TRPM2: variants seen among roughly 807,000 people sequenced by gnomAD.
The protein encoded by TRPM2 is estrogen-responsive element-associated gene 1 protein.
In TRPM2, 161 loss-of-function variants were observed where a neutral mutation model predicts 174.0. The ratio of observed to expected loss-of-function variants is 0.93; its 90% confidence interval spans 0.81 to 1.05. TRPM2 has a LOEUF of 1.05. Among genes scored for constraint, TRPM2 ranks in the 50% least tolerant of loss-of-function variants. The pLI is 0.00. For synonymous variants in TRPM2, 954 were observed against 861.3 expected (o/e 1.11, Z -1.88); for missense variants, 2,057 against 2,038.0 (o/e 1.01, Z -0.18).
chr21:44,437,070 G>A lies in TRPM2; in HGVS notation c.4070G>A (p.Arg1357Gln), dbSNP rs200766099. 5.9e-5 allele frequency: 92 copies of A among 1,550,594 alleles called. No homozygotes were observed. The highest frequency in any genetic ancestry group is 1.8e-4 in the Admixed American group (9 of 50,998). The stretch of plus-strand genomic sequence containing the variant: ...GGCCGCTCTCTCCGCAGGTGGAGGC[G>A]GAACGAGGATGGAGCCATCTGCAGG... ...TLYPMVTRWRRNEDGAICRKS... is the reference protein window; with the variant it reads ...TLYPMVTRWRQNEDGAICRKS... The change falls in exon 29 of 32, where the codon CGG becomes CAG. Residue 1357 changes from arginine (R) to glutamine (Q), a missense_variant. Transcript: ENST00000397928.
intron 16 of TRPM2, among the ~76,000 whole-genome samples, chr21:44,403,834 T>A (rs1480198097): frequency 6.6e-6 from 1 of 151,294 alleles, no homozygotes; most frequent in South Asian, 2.1e-4. Context: ...CACACATGCA[T>A]ACACACATTA....
At position 44,376,963 on chromosome 21, in the gene TRPM2, A is replaced by T. The variant is rs1410824110; in HGVS notation, c.953-749A>T. Among the ~76,000 whole-genome samples, 1 of 147,474 alleles carries T rather than the reference A, an allele frequency of 6.8e-6. No homozygotes were observed. The highest frequency in any genetic ancestry group is 1.5e-5 in the Non-Finnish European group (1 of 67,252). On this transcript the variant is annotated intron_variant, in intron 6 of 31. Transcript: ENST00000397928. This position sits in a 1 kb window ranked among gnomAD's most constrained non-coding sequence, Gnocchi z 4.2. Reference sequence around the variant, plus strand: ...TTGAGAACCCTGCTTGACTAGTAGGAGCACGTTCCCTGGTGAGGACGATGC... The same window carrying T: ...TTGAGAACCCTGCTTGACTAGTAGGTGCACGTTCCCTGGTGAGGACGATGC...
intron 22 of TRPM2, 23 bp from the exon 23 acceptor site, chr21:44,423,622 A>C (rs2050630840): frequency 6.2e-7 from 1 of 1,604,610 alleles, no homozygotes; most frequent in Non-Finnish European, 8.5e-7. Flanking sequence ...GTGTGCGTCC[A>C]GCTCAGCTGC....
At chr21:44,406,916 C>G (rs2049905839) in intron 19 of TRPM2, 151 bp downstream of exon 19, 1 of 1,083,218 alleles carries the variant, frequency 9.2e-7, no homozygotes, top group Non-Finnish European at 1.3e-6. Flanking sequence ...GGCATTCATT[C>G]CCCAGCTCCT....
rs138366518 is a variant in TRPM2 at position 44,365,469 on chromosome 21, C to T, written c.423+1187C>T. Among the ~76,000 whole-genome samples the T allele has an allele frequency of 3.9e-3, 589 of 152,354 alleles. 3 individuals carry two copies. Among genetic ancestry groups the T allele is most frequent in the African/African-American group, 0.014 (567 of 41,576 alleles). On this transcript the variant is annotated intron_variant, in intron 3 of 31. Coordinates refer to ENST00000397928, the MANE Select transcript of TRPM2 (RefSeq NM_003307.4). ...ACAGCCCCTGAGCCACCCTGTGTCA[C>T]CATGACACGTGGGTGTTCTCCAGGC...
At chr21:44,351,722 A>T (rs1305528455), upstream of TRPM2, among the ~76,000 whole-genome samples, 1 of 152,138 alleles carries the variant, frequency 6.6e-6, no homozygotes, top group African/African-American at 2.4e-5. Flanking sequence ...CCTGTTGGGC[A>T]CTGGGTCGAG....
rs1350794466 is a variant in TRPM2 at position 44,399,380 on chromosome 21, C to A, written c.2147C>A (p.Thr716Asn). The A allele has an allele frequency of 1.9e-6, 3 of 1,612,646 alleles. No individual in the cohort carries two copies. Among genetic ancestry groups the A allele is most frequent in the Non-Finnish European group, 1.7e-6 (2 of 1,179,906 alleles). Reference sequence around the variant, plus strand: ...GTGTCCGAGGCCTGGGGGAAGACCACCTGCCTGCAGCTCGCCCTGGAGGCC... The same window carrying A: ...GTGTCCGAGGCCTGGGGGAAGACCAACTGCCTGCAGCTCGCCCTGGAGGCC... ...TRVSEAWGKTTCLQLALEAKD... is the reference protein window; with the variant it reads ...TRVSEAWGKTNCLQLALEAKD... Residue 716 changes from threonine to asparagine, a missense_variant, in exon 14 of 32, where the codon ACC becomes AAC. Physicochemically the swap from Thr to Asn is moderately conservative, Grantham distance 65. Coordinates refer to ENST00000397928, the MANE Select transcript of TRPM2 (RefSeq NM_003307.4). The surrounding 1 kb of genome is among the most constrained non-coding windows in gnomAD (Gnocchi z 4.6).
chr21:44,352,071 C>T (rs189403626), upstream of TRPM2, among the ~76,000 whole-genome samples: 43 of 152,326 alleles, frequency 2.8e-4, no homozygotes, highest in East Asian at 4.2e-3. Context: ...GGTCCCCTTG[C>T]GGTGCCACTG....
intron 16 of TRPM2, among the ~76,000 whole-genome samples, chr21:44,403,098 G>A (rs1350588792): frequency 6.6e-6 from 1 of 152,262 alleles, no homozygotes; most frequent in East Asian, 1.9e-4. Context: ...TTGCCACAGG[G>A]CTTCTGCCAC....
Position 44,405,124 on chromosome 21 carries a change from C to T in TRPM2, c.2539-18C>T, listed in dbSNP as rs146940873. The T allele has an allele frequency of 4.1e-4, 658 of 1,612,034 alleles. 5 individuals are homozygous for T. In the African/African-American group the frequency reaches 7.6e-3, roughly 19 times the overall value. The stretch of plus-strand genomic sequence containing the variant: ...AGTGACAACCTGTCTGCCTTCCTAC[C>T]GCCCCTCTTCCCAGTAGCTCTTCTA... On this transcript the variant is annotated intron_variant, in intron 16 of 31. Coordinates refer to ENST00000397928, the MANE Select transcript of TRPM2 (RefSeq NM_003307.4).
chr21:44,400,817 C>T lies in TRPM2; in HGVS notation c.2321+446C>T, dbSNP rs45572035. On this transcript the variant is annotated intron_variant, in intron 15 of 31. Transcript: ENST00000397928. The stretch of plus-strand genomic sequence containing the variant: ...CTTTCCCTTATGAAGGAGGAGGACA[C>T]GGCTGGCCATGGTTGAAGACCTGGC... Among the ~76,000 whole-genome samples, 295 of 152,318 alleles carry T rather than the reference C, an allele frequency of 1.9e-3. 1 individual carries two copies. The highest frequency in any genetic ancestry group is 6.5e-3 in the African/African-American group (271 of 41,576).
intron 9 of TRPM2, among the ~76,000 whole-genome samples, chr21:44,385,270 ATG>A (rs1311182635): frequency 6.6e-6 from 1 of 152,222 alleles, no homozygotes; most frequent in East Asian, 1.9e-4. Context: ...AACTACCTTG[ATG>A]TAATAAAAGC....
chr21:44,371,078 T>C (rs2048525589), intron 5 of TRPM2, among the ~76,000 whole-genome samples: 2 of 152,210 alleles, frequency 1.3e-5, no homozygotes, highest in Admixed American at 1.3e-4. Context: ...GGAATCCGCG[T>C]CGATTGGCCA....
chr21:44,384,949 G>A (rs927269272), intron 9 of TRPM2, among the ~76,000 whole-genome samples: 8 of 152,166 alleles, frequency 5.3e-5, no homozygotes, highest in Non-Finnish European at 1.2e-4. Context: ...TGTGAGGCCA[G>A]CATTATTCTG....
At chr21:44,433,214 C>G (rs1030630710) in intron 27 of TRPM2, among the ~76,000 whole-genome samples, 2 of 152,176 alleles carry the variant, frequency 1.3e-5, no homozygotes, top group Admixed American at 6.5e-5. Context: ...TGCCACTGGC[C>G]GACTAGGGAT....
chr21:44,405,168 G>T lies in TRPM2; in HGVS notation c.2565G>T (p.Gly855=). The T allele has an allele frequency of 6.2e-7, 1 of 1,613,494 alleles. No homozygotes were observed. Among genetic ancestry groups the T allele is most frequent in the Non-Finnish European group, 8.5e-7 (1 of 1,179,944 alleles). Residue 855 remains glycine, a synonymous_variant, in exon 17 of 32, where the codon GGG becomes GGT. Transcript: ENST00000397928. ...RQLFYDPDEC[G]LMKKAALYFS... ...TCTTCTATGACCCTGACGAGTGCGG[G>T]CTGATGAAGAAGGCAGCCTTGTACT...
chr21:44,401,589 G>T, intron 15 of TRPM2, 92 bp from the exon 16 acceptor site: 1 of 1,337,350 alleles, frequency 7.5e-7, no homozygotes, highest in Non-Finnish European at 1.1e-6. Context: ...TCTCTCTGAG[G>T]GGCACGGGGG....
Position 44,432,938 on chromosome 21 carries a change from G to A in TRPM2, c.3975-2193G>A, listed in dbSNP as rs868109816. On this transcript the variant is annotated intron_variant, in intron 27 of 31. Coordinates refer to ENST00000397928, the MANE Select transcript of TRPM2 (RefSeq NM_003307.4). This position sits in a 1 kb window ranked among gnomAD's most constrained non-coding sequence, Gnocchi z 4.9. ...ATGTCGTGATGGAACTACCGGGCACGTGGCAGGGAGATGAGGGGTTGAGAA... is the reference window on the plus strand; with the variant it reads ...ATGTCGTGATGGAACTACCGGGCACATGGCAGGGAGATGAGGGGTTGAGAA... Among the ~76,000 whole-genome samples, 33 of 152,144 alleles carry A rather than the reference G, an allele frequency of 2.2e-4. No homozygotes were observed. The highest frequency in any genetic ancestry group is 7.2e-4 in the African/African-American group (30 of 41,424).
chr21:44,359,627 C>T (rs566711562), intron 2 of TRPM2, among the ~76,000 whole-genome samples: 84 of 150,654 alleles, frequency 5.6e-4, no homozygotes, highest in Admixed American at 1.5e-3. Flanking sequence ...TATTTGTCCC[C>T]GCCCATGTCC....
Sources: allele counts gnomAD v4.1 joint callset (sites outside exome capture counted in the v4.1 genomes callset), GRCh38; gene constraint gnomAD v4.1.1; non-coding constraint Gnocchi (gnomAD v3.1); transcripts MANE v1.5; gene names NCBI Gene and HGNC (gene_info 2026-07-23, HGNC 2026-07-21).